SPHKAP: variants seen among roughly 807,000 people sequenced by gnomAD.
SPHKAP encodes SPHK1 interactor, AKAP domain containing.
A neutral mutation model predicts 137.5 loss-of-function variants in SPHKAP; 67 were observed. The observed-to-expected ratio is 0.49, with a 90% CI of 0.40 to 0.60. The LOEUF (loss-of-function observed/expected upper bound fraction) is 0.60, where lower values mean the gene tolerates loss of function less well. Among genes scored for constraint, SPHKAP ranks in the 20% least tolerant of loss-of-function variants. The pLI, the probability that SPHKAP is intolerant of heterozygous loss-of-function variation, is 0.00. For synonymous variants in SPHKAP, 813 were observed against 785.3 expected (o/e 1.04, Z -0.59); for missense variants, 2,097 against 2,069.3 (o/e 1.01, Z -0.26).
intron 3 of SPHKAP, among the ~76,000 whole-genome samples, chr2:228,030,677 A>T (rs575881195): frequency 6.6e-5 from 10 of 152,032 alleles, no homozygotes; most frequent in African/African-American, 2.4e-4. Flanking sequence ...AAACATAAAA[A>T]CTGCCAGGAA....
chr2:227,987,628 G>A (rs1693260170), intron 11 of SPHKAP, among the ~76,000 whole-genome samples: 1 of 152,182 alleles, frequency 6.6e-6, no homozygotes, highest in Admixed American at 6.5e-5. Flanking sequence ...AGTATATTGG[G>A]CACTCAGAAT....
chr2:228,027,836 C>T (rs1001987074), intron 3 of SPHKAP: 13 of 195,126 alleles, frequency 6.7e-5, no homozygotes, highest in African/African-American at 2.1e-4. Context: ...TGTGTTGGCA[C>T]GCGCCTGTAG....
At chr2:228,009,866 G>C (rs1213806105) in intron 7 of SPHKAP, among the ~76,000 whole-genome samples, 1 of 152,142 alleles carries the variant, frequency 6.6e-6, no homozygotes, top group Non-Finnish European at 1.5e-5. Context: ...TCTTCACTCT[G>C]GCTAGTTGGG....
At chr2:228,011,264 G>T (rs1251530139) in intron 7 of SPHKAP, among the ~76,000 whole-genome samples, 2 of 149,388 alleles carry the variant, frequency 1.3e-5, no homozygotes. Context: ...CACTCTTCTG[G>T]TGGGTGAACT....
intron 3 of SPHKAP, among the ~76,000 whole-genome samples, chr2:228,039,227 C>G (rs1351474417): frequency 6.6e-6 from 1 of 152,208 alleles, no homozygotes; most frequent in Admixed American, 6.5e-5. Flanking sequence ...AGCACTTCTT[C>G]TCTTGCTTCC....
intron 3 of SPHKAP, among the ~76,000 whole-genome samples, chr2:228,078,319 A>G (rs2106311139): frequency 6.6e-6 from 1 of 152,166 alleles, no homozygotes; most frequent in African/African-American, 2.4e-5. Context: ...CCATCAACAC[A>G]GAGAAGTAGT....
chr2:228,042,917 T>C (rs1695905505), intron 3 of SPHKAP, among the ~76,000 whole-genome samples: 2 of 152,192 alleles, frequency 1.3e-5, no homozygotes, highest in Admixed American at 1.3e-4. Context: ...TTAATGGATA[T>C]AAATGGGTGC....
Position 228,163,822 on chromosome 2 carries a change from A to G in SPHKAP, c.32+17745T>C, listed in dbSNP as rs944741480. ...AAATGTCATCTTAATGACAGCTGCC[A>G]CTTTTGAATAATCCTATTCTGGTGA... On this transcript the variant is annotated intron_variant, in intron 1 of 11. Coordinates refer to ENST00000392056, the MANE Select transcript of SPHKAP (RefSeq NM_001142644.2). Among the ~76,000 whole-genome samples the G allele has an allele frequency of 1.3e-5, 2 of 152,160 alleles. 1 individual carries two copies. The highest frequency in any genetic ancestry group is 4.8e-5 in the African/African-American group (2 of 41,434).
At chr2:228,155,924 T>C (rs1031060013) in intron 1 of SPHKAP, among the ~76,000 whole-genome samples, 2 of 152,126 alleles carry the variant, frequency 1.3e-5, no homozygotes, top group African/African-American at 4.8e-5. Flanking sequence ...GGAGCTGGTG[T>C]TTGTTGTAGC....
intron 7 of SPHKAP, among the ~76,000 whole-genome samples, chr2:227,997,383 G>T (rs927206804): frequency 6.6e-6 from 1 of 152,034 alleles, no homozygotes; most frequent in Non-Finnish European, 1.5e-5. Flanking sequence ...CCTGTTCCAC[G>T]ACTTGTCACC....
At chr2:228,139,061 G>A (rs1448418801) in intron 1 of SPHKAP, among the ~76,000 whole-genome samples, 1 of 152,130 alleles carries the variant, frequency 6.6e-6, no homozygotes, top group Non-Finnish European at 1.5e-5. Context: ...TTAGAAGAAA[G>A]AATGGCCTCA....
intron 2 of SPHKAP, among the ~76,000 whole-genome samples, chr2:228,127,487 C>A (rs1699112848): frequency 6.6e-6 from 1 of 152,026 alleles, no homozygotes; most frequent in Non-Finnish European, 1.5e-5. Flanking sequence ...CTTTTAAATG[C>A]AATTATTATG....
At chr2:228,165,506 C>A (rs1700398262) in intron 1 of SPHKAP, among the ~76,000 whole-genome samples, 1 of 152,078 alleles carries the variant, frequency 6.6e-6, no homozygotes, top group Admixed American at 6.6e-5. Context: ...AACATAAAGA[C>A]CTCTGTAATA....
chr2:228,134,904 G>T (rs1699385897), intron 1 of SPHKAP, among the ~76,000 whole-genome samples: 1 of 152,186 alleles, frequency 6.6e-6, no homozygotes, highest in African/African-American at 2.4e-5. Flanking sequence ...GACTGCAGGA[G>T]TAGGAAATGG....
intron 1 of SPHKAP, among the ~76,000 whole-genome samples, chr2:228,145,915 G>T (rs1014281410): frequency 6.6e-6 from 1 of 152,134 alleles, no homozygotes; most frequent in African/African-American, 2.4e-5. Context: ...CCCCTCTAAA[G>T]TGTGGCTTGT....
At chr2:228,049,631 T>C (rs1269015947) in intron 3 of SPHKAP, among the ~76,000 whole-genome samples, 3 of 152,196 alleles carry the variant, frequency 2.0e-5, no homozygotes, top group Admixed American at 2.0e-4. Flanking sequence ...ATAGGTAGCT[T>C]TGTGAGCCCT....
At chr2:228,102,470 A>G (rs1325546874) in intron 3 of SPHKAP, among the ~76,000 whole-genome samples, 1 of 152,208 alleles carries the variant, frequency 6.6e-6, no homozygotes, top group Non-Finnish European at 1.5e-5. Flanking sequence ...TTGAGCAAGT[A>G]AAACAAAGTC....
chr2:228,086,905 A>T (rs1337950179), intron 3 of SPHKAP, among the ~76,000 whole-genome samples: 1 of 152,196 alleles, frequency 6.6e-6, no homozygotes, highest in Non-Finnish European at 1.5e-5. Context: ...AACAGCTAAG[A>T]AGAGCCCTCA....
At chr2:228,088,379 A>G (rs959773622) in intron 3 of SPHKAP, among the ~76,000 whole-genome samples, 2 of 152,220 alleles carry the variant, frequency 1.3e-5, no homozygotes, top group African/African-American at 4.8e-5. Flanking sequence ...GGGGTGTTAA[A>G]TTGTAAATGG....
Sources: gnomAD v4.1 joint callset for allele counts (sites outside exome capture counted in the v4.1 genomes callset) on GRCh38, gnomAD v4.1.1 for gene constraint, MANE v1.5 for transcripts, NCBI Gene and HGNC (gene_info 2026-07-23, HGNC 2026-07-21) for gene names.